The following ATL2 variants were observed in gnomAD, a reference collection of about 807,000 sequenced individuals.
ATL2 encodes atlastin-2.
A neutral mutation model predicts 73.9 loss-of-function variants in ATL2; 31 were observed. That is an observed-to-expected ratio of 0.42 (90% CI 0.32 to 0.57). ATL2 has a LOEUF of 0.57. Ranked by LOEUF, ATL2 falls within the 20% of genes least tolerant of loss-of-function variation. ATL2 has a pLI of 0.14. For synonymous variants in ATL2, 291 were observed against 237.5 expected (o/e 1.23, Z -2.07); for missense variants, 738 against 702.6 (o/e 1.05, Z -0.57).
chr2:38,309,623 G>A, intron 8 of ATL2, 117 bp from the exon 9 acceptor site: 1 of 1,024,306 alleles, frequency 9.8e-7, no homozygotes, highest in Non-Finnish European at 1.4e-6. Context: ...TTACTGAAGT[G>A]GATTCATTTT....
intron 2 of ATL2, among the ~76,000 whole-genome samples, chr2:38,324,993 T>A (rs1169696873): frequency 1.3e-5 from 2 of 152,202 alleles, no homozygotes; most frequent in Non-Finnish European, 2.9e-5. Context: ...ACAGACTTAG[T>A]GCCACTGAAG....
Position 38,300,346 on chromosome 2 carries a change from T to A in ATL2, c.1072-18A>T, listed in dbSNP as rs1459004363. 1.3e-6 allele frequency: 2 copies of A among 1,587,698 alleles called. No homozygotes were observed. The highest frequency in any genetic ancestry group is 2.2e-5 in the East Asian group (1 of 44,734). On this transcript the variant is annotated intron_variant, in intron 9 of 12. Coordinates refer to ENST00000378954, the MANE Select transcript of ATL2 (RefSeq NM_001135673.4). The stretch of plus-strand genomic sequence containing the variant: ...ATGTAAGCCTAAAAAGGGAGAAGAT[T>A]TGTTAGACTGACGGATTATGCAATT...
chr2:38,329,125 T>TAA (rs56248819), intron 2 of ATL2, among the ~76,000 whole-genome samples: 46 of 113,890 alleles, frequency 4.0e-4, no homozygotes, highest in East Asian at 3.7e-3. Context: ...ATCATCTATT[T>TAA]AAAAAAAAAA....
At chr2:38,340,928 C>G (rs145118135) in intron 2 of ATL2, among the ~76,000 whole-genome samples, 5 of 152,306 alleles carry the variant, frequency 3.3e-5, no homozygotes, top group African/African-American at 1.2e-4. Context: ...CCATCATAAC[C>G]TTTGCATGGC....
rs1292744156 is a variant in ATL2, at chr2:38,318,155, A to G, written c.603+380T>C. Among the ~76,000 whole-genome samples the G allele has an allele frequency of 3.9e-5, 6 of 152,188 alleles. No homozygotes were observed. In the East Asian group the frequency reaches 1.2e-3, roughly 29 times the overall value. The stretch of plus-strand genomic sequence containing the variant: ...AACCTGGGCAACATAGTGAGAATCC[A>G]TCTCAAAAAAAATTAAAAAGGCATT... On this transcript the variant is annotated intron_variant, in intron 4 of 12. Transcript: ENST00000378954.
At chr2:38,313,374 G>T in intron 6 of ATL2, 131 bp from the exon 7 acceptor site, 1 of 627,220 alleles carries the variant, frequency 1.6e-6, no homozygotes, top group Non-Finnish European at 2.7e-6. Context: ...GTAACTAAAT[G>T]GTCAGTACTG....
intron 2 of ATL2, among the ~76,000 whole-genome samples, chr2:38,338,598 A>G (rs1026453053): frequency 6.6e-6 from 1 of 152,170 alleles, no homozygotes; most frequent in African/African-American, 2.4e-5. Context: ...ATCCTAAATA[A>G]TATATTTAGA....
At position 38,294,405 on chromosome 2, in the gene ATL2, G is replaced by A. The variant is rs1268221591; in HGVS notation, c.*1589C>T. Among the ~76,000 whole-genome samples, 1 of 152,160 alleles carries A rather than the reference G, an allele frequency of 6.6e-6. No individual in the cohort carries two copies. Among genetic ancestry groups the A allele is most frequent in the Non-Finnish European group, 1.5e-5 (1 of 68,026 alleles). ...CTACTTAAAATAGAAAACATTAGCC[G>A]GGAATGGTGGCACGCACCTGTAGTC... On this transcript the variant is annotated 3_prime_UTR_variant, in exon 13 of 13. Coordinates refer to ENST00000378954, the MANE Select transcript of ATL2 (RefSeq NM_001135673.4).
chr2:38,315,061 G>C (rs1053627989), intron 5 of ATL2, among the ~76,000 whole-genome samples: 2 of 152,188 alleles, frequency 1.3e-5, no homozygotes, highest in Non-Finnish European at 2.9e-5. Flanking sequence ...AGACCAGCCT[G>C]ACCAACATGG....
chr2:38,372,108 G>C (rs1671722394), intron 1 of ATL2, among the ~76,000 whole-genome samples: 1 of 144,704 alleles, frequency 6.9e-6, no homozygotes. Flanking sequence ...CTGTTAGTAT[G>C]GTTTCATGTT....
intron 1 of ATL2, among the ~76,000 whole-genome samples, chr2:38,367,807 A>G (rs2124487876): frequency 6.7e-6 from 1 of 148,978 alleles, no homozygotes; most frequent in African/African-American, 2.5e-5. Flanking sequence ...TAATTTTTGT[A>G]TTTTTAGTAG....
intron 2 of ATL2, among the ~76,000 whole-genome samples, chr2:38,337,622 G>C (rs759665335): frequency 1.3e-5 from 2 of 149,016 alleles, no homozygotes; most frequent in Non-Finnish European, 3.0e-5. Context: ...ATTTTTAAGA[G>C]ACACATACTG....
upstream of ATL2, among the ~76,000 whole-genome samples, chr2:38,378,041 T>C (rs1203307507): frequency 6.6e-6 from 1 of 152,260 alleles, no homozygotes; most frequent in Admixed American, 6.5e-5. Flanking sequence ...ATGAACCTTC[T>C]TCTGGGGATC....
At chr2:38,298,046 C>G in intron 12 of ATL2, 98 bp downstream of exon 12, 1 of 1,148,436 alleles carries the variant, frequency 8.7e-7, no homozygotes. Context: ...TTTGACATTC[C>G]TCACATGAAG....
chr2:38,294,966 T>A lies in ATL2; in HGVS notation c.*1028A>T, dbSNP rs1286393242. On this transcript the variant is annotated 3_prime_UTR_variant, in exon 13 of 13. Transcript: ENST00000378954. Reference sequence around the variant, plus strand: ...CTTTAAAATGCAACAGAGGACAAAGTCACAATAAACATTCCCATTGAATTC... The same window carrying A: ...CTTTAAAATGCAACAGAGGACAAAGACACAATAAACATTCCCATTGAATTC... 2 of 121,094 alleles carry A rather than the reference T, an allele frequency of 1.7e-5. No individual in the cohort carries two copies. Among genetic ancestry groups the A allele is most frequent in the African/African-American group, 6.1e-5 (2 of 32,800 alleles). 7.5% of individuals were successfully genotyped at this position (121,094 alleles called of 1,614,324 possible). A position where few individuals can be genotyped will look rare whatever the true frequency, so the allele number is the denominator to read the frequency against.
At chr2:38,377,383 CCCT>C (rs1672054961), upstream of ATL2, 10 of 727,034 alleles carry the variant, frequency 1.4e-5, no homozygotes, top group East Asian at 3.2e-4. Flanking sequence ...TATCTCCTCG[CCCT>C]CCGCCTGTAT....
intron 2 of ATL2, among the ~76,000 whole-genome samples, chr2:38,339,569 T>C (rs1414349442): frequency 1.1e-4 from 16 of 151,924 alleles, no homozygotes; most frequent in African/African-American, 3.9e-4. Context: ...GTGTTAAAAA[T>C]GAAAAAAACA....
At chr2:38,308,819 C>A (rs1046141473) in intron 9 of ATL2, among the ~76,000 whole-genome samples, 3 of 151,716 alleles carry the variant, frequency 2.0e-5, no homozygotes, top group African/African-American at 7.3e-5. Context: ...ATGAGAGTAA[C>A]TATCAAGTAT....
At chr2:38,361,136 G>A (rs1198231139) in intron 1 of ATL2, among the ~76,000 whole-genome samples, 3 of 151,786 alleles carry the variant, frequency 2.0e-5, no homozygotes, top group African/African-American at 2.4e-5. Context: ...GGTGGATCAC[G>A]AGGTCAGGAG....
Sources: allele counts gnomAD v4.1 joint callset (sites outside exome capture counted in the v4.1 genomes callset), GRCh38; gene constraint gnomAD v4.1.1; transcripts MANE v1.5; gene names NCBI Gene and HGNC (gene_info 2026-07-23, HGNC 2026-07-21).